The following CNTRL variants were observed in gnomAD, a reference collection of about 807,000 sequenced individuals.
CNTRL encodes the protein 110 kDa centrosomal protein.
In CNTRL, 233 loss-of-function variants were observed where a neutral mutation model predicts 303.7. The observed-to-expected ratio is 0.77, with a 90% CI of 0.69 to 0.86. The LOEUF is 0.86. Ranked by LOEUF, CNTRL falls within the 40% of genes least tolerant of loss-of-function variation. The pLI, the probability that CNTRL is intolerant of heterozygous loss-of-function variation, is 0.00. For missense variants in CNTRL, 2,524 were observed against 2,650.6 expected (o/e 0.95, Z 1.05); for synonymous variants, 900 against 922.2 (o/e 0.98, Z 0.44).
At position 121,154,923 on chromosome 9, in the gene CNTRL, C is replaced by T; in HGVS notation, c.4365+10C>T. On this transcript the variant is annotated intron_variant, in intron 27 of 43. Coordinates refer to ENST00000373855, the MANE Select transcript of CNTRL (RefSeq NM_007018.6). ...ATGCACTAAAGAAAAGGTTTGTCTT[C>T]TTGTGGTTTGGGGTGTGAGCTCAGT... 1 of 1,613,562 alleles carries T rather than the reference C, an allele frequency of 6.2e-7. No individual in the cohort carries two copies. The highest frequency in any genetic ancestry group is 8.5e-7 in the Non-Finnish European group (1 of 1,179,550).
At chr9:121,151,582 G>A (rs112281448) in intron 25 of CNTRL, among the ~76,000 whole-genome samples, 9,842 of 151,752 alleles carry the variant, frequency 0.065, 451 homozygotes, top group East Asian at 0.18. Context: ...GTATAGATGG[G>A]GGTTTCACCA....
intron 14 of CNTRL, among the ~76,000 whole-genome samples, chr9:121,131,860 T>G (rs1388874727): frequency 6.6e-6 from 1 of 152,246 alleles, no homozygotes; most frequent in Non-Finnish European, 1.5e-5. Flanking sequence ...TTTGCTTGTC[T>G]GTAAAGGATT....
intron 2 of CNTRL, among the ~76,000 whole-genome samples, chr9:121,082,869 C>G (rs1489082329): frequency 6.6e-6 from 1 of 150,848 alleles, no homozygotes; most frequent in Non-Finnish European, 1.5e-5. Context: ...ACTCAGGAGG[C>G]TGAGGCAGGA....
At chr9:121,157,125 C>G (rs1481839281) in intron 27 of CNTRL, among the ~76,000 whole-genome samples, 1 of 152,074 alleles carries the variant, frequency 6.6e-6, no homozygotes, top group Non-Finnish European at 1.5e-5. Context: ...AGTGCTTATA[C>G]CATTTTAAAT....
chr9:121,166,225 G>A (rs1354791072), intron 36 of CNTRL, 45 bp downstream of exon 36: 4 of 1,356,212 alleles, frequency 2.9e-6, no homozygotes, highest in Non-Finnish European at 3.1e-6. Flanking sequence ...CTGAGGGTAT[G>A]CAGACCATTG....
chr9:121,123,835 A>C (rs1295005263), intron 12 of CNTRL, 96 bp from the exon 13 acceptor site: 1 of 900,778 alleles, frequency 1.1e-6, no homozygotes, highest in East Asian at 3.0e-5. Context: ...TATTATATTT[A>C]TTTTCTATTC....
intron 16 of CNTRL, 110 bp downstream of exon 16, chr9:121,138,789 T>C (rs968135680): frequency 1.8e-6 from 2 of 1,119,642 alleles, no homozygotes; most frequent in Non-Finnish European, 2.5e-6. Flanking sequence ...GCAATTTGAA[T>C]TACTAGAAAA....
intron 7 of CNTRL, among the ~76,000 whole-genome samples, chr9:121,099,545 A>T (rs7020309): frequency 6.6e-6 from 1 of 152,232 alleles, no homozygotes; most frequent in Admixed American, 6.5e-5. Context: ...ACAAAGATGG[A>T]TGGAGAATGA....
rs2050493556 is a variant in CNTRL, at chr9:121,125,895, C to T, written c.1984C>T (p.Gln662Ter). 4 of 1,614,012 alleles carry T rather than the reference C, an allele frequency of 2.5e-6. No homozygotes were observed. Among genetic ancestry groups the T allele is most frequent in the Admixed American group, 3.3e-5 (2 of 60,002 alleles). ...GACAGAAGTCGAGCAGGAGAGAGAC[C>T]AGCTGGAAATAGTTGCCATGGATGC... ...RLTEVEQERD[Q>*]LEIVAMDAEN... The change falls in exon 14 of 44, where the codon CAG becomes TAG. Residue 662 changes from glutamine (Q) to a stop codon, truncating the protein, a stop_gained. Transcript: ENST00000373855. LOFTEE classifies it high-confidence loss of function.
At chr9:121,091,347 A>G (rs1023232033) in intron 4 of CNTRL, among the ~76,000 whole-genome samples, 6 of 152,250 alleles carry the variant, frequency 3.9e-5, no homozygotes, top group African/African-American at 1.4e-4. Flanking sequence ...AATGAAAACA[A>G]AGCAAAATGA....
At position 121,124,170 on chromosome 9, in the gene CNTRL, A is replaced by G. The variant is rs117706625; in HGVS notation, c.1804+86A>G. The G allele has an allele frequency of 9.2e-3, 10,658 of 1,160,824 alleles. 81 individuals are homozygous for G. Among genetic ancestry groups the G allele is most frequent in the Non-Finnish European group, 0.012 (9,785 of 837,166 alleles). 71.9% of individuals were successfully genotyped at this position (1,160,824 alleles called of 1,614,324 possible). ...AAAGACAAGCATTAATCCAGATAGT[A>G]GCTAAATACAGTTCACCTATTAGTA... On this transcript the variant is annotated intron_variant, in intron 13 of 43. Transcript: ENST00000373855.
intron 38 of CNTRL, among the ~76,000 whole-genome samples, chr9:121,169,094 G>A (rs1392290244): frequency 6.6e-6 from 1 of 152,046 alleles, no homozygotes; most frequent in African/African-American, 2.4e-5. Context: ...ATTATCTGTC[G>A]AGTACTCACT....
At chr9:121,145,178 A>G in intron 21 of CNTRL, 66 bp from the exon 22 acceptor site, 1 of 1,500,300 alleles carries the variant, frequency 6.7e-7, no homozygotes, top group South Asian at 1.3e-5. Context: ...TCAAGTTGAA[A>G]GGATAAATGT....
rs1588253725 is a variant in CNTRL, at chr9:121,146,227, T to A, written c.3430T>A (p.Tyr1144Asn). 1 of 1,613,040 alleles carries A rather than the reference T, an allele frequency of 6.2e-7. No individual in the cohort carries two copies. Among genetic ancestry groups the A allele is most frequent in the African/African-American group, 1.3e-5 (1 of 74,862 alleles). Residue 1144 changes from tyrosine to asparagine, a missense_variant, in exon 23 of 44, where the codon TAC becomes AAC. By Grantham distance (143) the Tyr-to-Asn change is moderately radical (BLOSUM62 -2). Coordinates refer to ENST00000373855, the MANE Select transcript of CNTRL (RefSeq NM_007018.6). ...ADPFKRRGYW[Y>N]FMPPPPSSKV... ...TCCTTTCAAAAGACGAGGCTATTGG[T>A]ACTTTATGCCACCACCACCATCATC...
chr9:121,086,109 A>G (rs1034530646), intron 2 of CNTRL, among the ~76,000 whole-genome samples: 1 of 152,126 alleles, frequency 6.6e-6, no homozygotes, highest in Admixed American at 6.6e-5. Flanking sequence ...TATTTTGGAG[A>G]TAGAATCAAT....
rs755005018 is a variant in CNTRL at position 121,165,017 on chromosome 9, A to G, written c.5498A>G (p.Lys1833Arg). ...GAAAAGTTGGAATTGAATGTCAGAA[A>G]ACTGCAGCAGGAACTAGACCAACTA... ...NLEKLELNVRKLQQELDQLNR... is the reference protein window; with the variant it reads ...NLEKLELNVRRLQQELDQLNR... The change falls in exon 35 of 44, where the codon AAA (lysine) becomes AGA (arginine). Residue 1833 changes from lysine to arginine, a missense_variant. Transcript: ENST00000373855. 2 of 1,611,542 alleles carry G rather than the reference A, an allele frequency of 1.2e-6. No individual in the cohort carries two copies. The highest frequency in any genetic ancestry group is 3.4e-5 in the Admixed American group (2 of 59,380).
chr9:121,152,609 TTGA>T lies in CNTRL; in HGVS notation c.4093_4095del (p.Asp1365del). On this transcript the variant is annotated inframe_deletion, in exon 26 of 44. Coordinates refer to ENST00000373855, the MANE Select transcript of CNTRL (RefSeq NM_007018.6). The stretch of plus-strand genomic sequence containing the variant: ...GAAATGGAAGAACTGCATCATAATA[TTGA>T]TGATCTTTTGCAAGAGAAGAAAAGC... The T allele has an allele frequency of 1.2e-6, 2 of 1,613,562 alleles. No individual in the cohort carries two copies. The highest frequency in any genetic ancestry group is 1.7e-6 in the Non-Finnish European group (2 of 1,179,512).
Position 121,080,461 on chromosome 9 carries a change from G to C in CNTRL, c.-49G>C, listed in dbSNP as rs920442784. Reference sequence around the variant, plus strand: ...TGCAAGTATACATACCGTGCCTGACGAAATATCACAATATTTGGTGCGTGG... The same window carrying C: ...TGCAAGTATACATACCGTGCCTGACCAAATATCACAATATTTGGTGCGTGG... On this transcript the variant is annotated 5_prime_UTR_variant, in exon 2 of 44. Coordinates refer to ENST00000373855, the MANE Select transcript of CNTRL (RefSeq NM_007018.6). 6.6e-6 allele frequency: 1 copy of C among 152,106 alleles called. No individual in the cohort carries two copies. The highest frequency in any genetic ancestry group is 1.5e-5 in the Non-Finnish European group (1 of 68,022). The allele number at this position is 152,106 out of a possible 1,614,324, so 9.4% of individuals were successfully genotyped here.
chr9:121,159,074 C>T (rs2052727758), intron 31 of CNTRL, 55 bp downstream of exon 31: 4 of 1,481,930 alleles, frequency 2.7e-6, no homozygotes, highest in South Asian at 1.3e-5. Context: ...TATAGGTTTA[C>T]TTTGATGTAT....
Sources: gnomAD v4.1 joint callset for allele counts (sites outside exome capture counted in the v4.1 genomes callset) on GRCh38, gnomAD v4.1.1 for gene constraint, MANE v1.5 for transcripts, NCBI Gene and HGNC (gene_info 2026-07-23, HGNC 2026-07-21) for gene names.